RPS6KC1: variants seen among roughly 807,000 people sequenced by gnomAD.
The protein encoded by RPS6KC1 is ribosomal protein S6 kinase C1.
Under a neutral mutation model 103.8 loss-of-function variants are expected in RPS6KC1, and 54 were observed. That is an observed-to-expected ratio of 0.52 (90% confidence interval 0.42 to 0.65). The LOEUF (loss-of-function observed/expected upper bound fraction) is 0.65, where lower values mean the gene tolerates loss of function less well. Among genes scored for constraint, RPS6KC1 ranks in the 30% least tolerant of loss-of-function variants. The pLI is 0.00. For synonymous variants in RPS6KC1, 439 were observed against 438.7 expected, an observed-to-expected ratio of 1.00 and a Z score of -0.01; for missense variants, 1,151 against 1,253.8, an observed-to-expected ratio of 0.92 and a Z score of 1.24.
the RPS6KC1 span, among the ~76,000 whole-genome samples, chr1:213,400,733 G>A: frequency 2.7e-5 from 4 of 150,682 alleles, no homozygotes; most frequent in African/African-American, 7.4e-5. Flanking sequence ...TTGAGACAGA[G>A]TCTCGCTCTG....
the RPS6KC1 span, among the ~76,000 whole-genome samples, chr1:213,391,036 G>A: frequency 2.0e-5 from 3 of 152,042 alleles, no homozygotes; most frequent in African/African-American, 7.2e-5. Context: ...ATTGTCTGAT[G>A]TTACCTCAAG....
chr1:213,782,230 G>T, the RPS6KC1 span, among the ~76,000 whole-genome samples: 1 of 152,140 alleles, frequency 6.6e-6, no homozygotes, highest in East Asian at 1.9e-4. Flanking sequence ...AGAAAGGATG[G>T]ACTAGGCACA....
At chr1:213,448,706 C>T in the RPS6KC1 span, among the ~76,000 whole-genome samples, 2 of 151,208 alleles carry the variant, frequency 1.3e-5, no homozygotes, top group South Asian at 2.1e-4. Context: ...TTTCTCTGAT[C>T]CCTCACACAG....
At chr1:213,342,710 G>A in the RPS6KC1 span, among the ~76,000 whole-genome samples, 17 of 151,888 alleles carry the variant, frequency 1.1e-4, no homozygotes, top group Admixed American at 1.1e-3. Flanking sequence ...AAGTCTACAC[G>A]ATCCCATTAT....
the RPS6KC1 span, among the ~76,000 whole-genome samples, chr1:213,363,633 T>C: frequency 2.1e-3 from 83 of 39,762 alleles, 12 homozygotes; most frequent in African/African-American, 0.011. Context: ...TTGCTTTCTT[T>C]CTTTCTTTCT....
the RPS6KC1 span, among the ~76,000 whole-genome samples, chr1:213,477,362 T>TA: frequency 4.6e-5 from 7 of 151,530 alleles, no homozygotes; most frequent in African/African-American, 7.3e-5. Context: ...TTTTTTTTTT[T>TA]ATCTATTTCA....
At chr1:213,750,537 A>G in the RPS6KC1 span, among the ~76,000 whole-genome samples, 3 of 152,190 alleles carry the variant, frequency 2.0e-5, no homozygotes, top group Non-Finnish European at 4.4e-5. Flanking sequence ...ATAAGGATGG[A>G]TATATGAGCT....
intron 6 of RPS6KC1, among the ~76,000 whole-genome samples, chr1:213,153,629 T>C (rs866887127): frequency 1.3e-5 from 2 of 152,232 alleles, no homozygotes; most frequent in African/African-American, 2.4e-5. Context: ...TACAGTGTTA[T>C]AATATTTGGT....
At chr1:213,448,652 TGAGACCCTG>T in the RPS6KC1 span, among the ~76,000 whole-genome samples, 3 of 152,016 alleles carry the variant, frequency 2.0e-5, no homozygotes, top group East Asian at 5.8e-4. Flanking sequence ...CGCTTCTTCT[TGAGACCCTG>T]TGTGAAGCCT....
At chr1:213,742,148 A>G in the RPS6KC1 span, among the ~76,000 whole-genome samples, 5 of 152,172 alleles carry the variant, frequency 3.3e-5, no homozygotes, top group South Asian at 4.1e-4. Flanking sequence ...AACCAAACAC[A>G]CATGCTAATA....
chr1:213,472,501 G>A, the RPS6KC1 span, among the ~76,000 whole-genome samples: 4,973 of 152,284 alleles, frequency 0.033, 268 homozygotes, highest in East Asian at 0.27. Flanking sequence ...GATAGAGCCC[G>A]TGAGGCTTTG....
chr1:213,783,902 C>T, the RPS6KC1 span, among the ~76,000 whole-genome samples: 1 of 140,630 alleles, frequency 7.1e-6, no homozygotes, highest in Non-Finnish European at 1.5e-5. Flanking sequence ...CTGAATTAAA[C>T]AAATCAAATC....
At chr1:213,197,551 T>C (rs2092998643) in intron 8 of RPS6KC1, among the ~76,000 whole-genome samples, 3 of 152,124 alleles carry the variant, frequency 2.0e-5, no homozygotes, top group South Asian at 2.1e-4. Context: ...TATGTATGTA[T>C]GTATGTATTT....
chr1:213,598,935 A>C, the RPS6KC1 span, among the ~76,000 whole-genome samples: 11 of 152,204 alleles, frequency 7.2e-5, no homozygotes, highest in East Asian at 1.9e-4. Context: ...AAAACAAAAC[A>C]AAACCAAAAA....
At chr1:213,734,470 A>G in the RPS6KC1 span, among the ~76,000 whole-genome samples, 1 of 152,116 alleles carries the variant, frequency 6.6e-6, no homozygotes. Context: ...TGTCAGTTGT[A>G]CAGTCAGTAG....
the RPS6KC1 span, among the ~76,000 whole-genome samples, chr1:213,672,601 C>A: frequency 6.6e-6 from 1 of 152,204 alleles, no homozygotes; most frequent in Non-Finnish European, 1.5e-5. Context: ...GGGACCTCTT[C>A]TATGCACTCA....
At chr1:213,772,653 A>G in the RPS6KC1 span, among the ~76,000 whole-genome samples, 3 of 135,088 alleles carry the variant, frequency 2.2e-5, no homozygotes, top group Admixed American at 8.3e-5. Context: ...GGATGGTTAC[A>G]GGCAGGGAGA....
At chr1:213,062,616 G>C (rs1054383474) in intron 1 of RPS6KC1, among the ~76,000 whole-genome samples, 9 of 151,772 alleles carry the variant, frequency 5.9e-5, no homozygotes, top group African/African-American at 2.2e-4. Flanking sequence ...GAGTACAGTG[G>C]TGCGATCTTG....
the RPS6KC1 span, among the ~76,000 whole-genome samples, chr1:213,664,200 C>CG: frequency 2.5e-4 from 7 of 27,804 alleles, no homozygotes; most frequent in African/African-American, 3.9e-4. Context: ...AGCGGGGGGG[C>CG]GGGGTGGGGA....
Sources: allele counts gnomAD v4.1 joint callset (sites outside exome capture counted in the v4.1 genomes callset), GRCh38; gene constraint gnomAD v4.1.1; transcripts MANE v1.5; gene names NCBI Gene and HGNC (gene_info 2026-07-23, HGNC 2026-07-21).